WDR41: variants seen among roughly 807,000 people sequenced by gnomAD.
The protein encoded by WDR41 is WD repeat-containing protein 41.
A neutral mutation model predicts 69.3 loss-of-function variants in WDR41; 63 were observed. The ratio of observed to expected loss-of-function variants is 0.91; its 90% CI spans 0.74 to 1.12. The LOEUF is 1.12. WDR41 is among the 50% of genes most tolerant of loss of function. WDR41 has a pLI of 0.00. For synonymous variants in WDR41, 185 were observed against 192.1 expected, an observed-to-expected ratio of 0.96 and a Z score of 0.31; for missense variants, 543 against 534.5, an observed-to-expected ratio of 1.02 and a Z score of -0.16.
chr5:77,483,032 A>G (rs77844161), intron 2 of WDR41, among the ~76,000 whole-genome samples: 5,553 of 152,204 alleles, frequency 0.036, 116 homozygotes, highest in Middle Eastern at 0.1. Context: ...TTTCCATCAT[A>G]TATTTGCCTT....
chr5:77,490,425 CA>C (rs1382554416), intron 1 of WDR41, among the ~76,000 whole-genome samples: 2 of 152,154 alleles, frequency 1.3e-5, no homozygotes, highest in African/African-American at 4.8e-5. Context: ...GGGCAAAAAT[CA>C]CCCCAGTTGA....
intron 1 of WDR41, among the ~76,000 whole-genome samples, chr5:77,618,969 A>G (rs1744728403): frequency 6.6e-6 from 1 of 152,208 alleles, no homozygotes; most frequent in Non-Finnish European, 1.5e-5. Context: ...TGTGTGAAGA[A>G]TTTAACCAGC....
chr5:77,498,722 G>A (rs1356589426), intron 1 of WDR41, among the ~76,000 whole-genome samples: 3 of 151,606 alleles, frequency 2.0e-5, no homozygotes, highest in Non-Finnish European at 4.4e-5. Flanking sequence ...AGGAGGCTGA[G>A]GCAAGAGGAT....
intron 1 of WDR41, among the ~76,000 whole-genome samples, chr5:77,569,006 G>A (rs375576209): frequency 2.0e-5 from 3 of 152,134 alleles, no homozygotes; most frequent in African/African-American, 7.2e-5. Context: ...TCACCCCATC[G>A]CTGTGCCCTG....
At chr5:77,567,256 T>C (rs962750800) in intron 1 of WDR41, among the ~76,000 whole-genome samples, 1 of 152,206 alleles carries the variant, frequency 6.6e-6, no homozygotes, top group Non-Finnish European at 1.5e-5. Flanking sequence ...AAGCCATCTC[T>C]TCCTCAATGG....
At chr5:77,475,936 A>C (rs981691381) in intron 2 of WDR41, among the ~76,000 whole-genome samples, 43 of 152,266 alleles carry the variant, frequency 2.8e-4, no homozygotes, top group Non-Finnish European at 4.9e-4. Flanking sequence ...AAAATTTAGA[A>C]GAATGTATAA....
Position 77,552,878 on chromosome 5 carries a change from A to G in WDR41, c.43-63306T>C, listed in dbSNP as rs150934666. ...CCTAGATCTAAATTTCATGCTTTAT[A>G]TAAAAAATGAGCTTAAATTGGATCA... On this transcript the variant is annotated intron_variant, in intron 1 of 5. Coordinates refer to the WDR41 transcript ENST00000509971. Among the ~76,000 whole-genome samples the G allele has an allele frequency of 7.4e-3, 1,123 of 152,344 alleles. 11 individuals are homozygous for G. Among genetic ancestry groups the G allele is most frequent in the Middle Eastern group, 0.031 (9 of 294 alleles).
At chr5:77,469,654 A>G (rs544491042) in intron 2 of WDR41, among the ~76,000 whole-genome samples, 2 of 152,334 alleles carry the variant, frequency 1.3e-5, no homozygotes, top group Admixed American at 6.5e-5. Flanking sequence ...ACAATAAAAT[A>G]ACATTGAAAA....
At chr5:77,612,765 T>G (rs1350520099) in intron 1 of WDR41, among the ~76,000 whole-genome samples, 1 of 139,174 alleles carries the variant, frequency 7.2e-6, no homozygotes, top group Non-Finnish European at 1.6e-5. Flanking sequence ...ACCACTCCTA[T>G]TCAACATAGT....
chr5:77,562,250 C>T (rs1743541293), intron 1 of WDR41, among the ~76,000 whole-genome samples: 1 of 152,138 alleles, frequency 6.6e-6, no homozygotes, highest in Non-Finnish European at 1.5e-5. Flanking sequence ...CTGTAAATGT[C>T]TATCTCTCAC....
At chr5:77,537,740 G>A (rs1337513239) in intron 1 of WDR41, among the ~76,000 whole-genome samples, 1 of 152,088 alleles carries the variant, frequency 6.6e-6, no homozygotes, top group African/African-American at 2.4e-5. Flanking sequence ...CAGCAGCAAG[G>A]CCTCAGCAAG....
At chr5:77,536,641 C>T (rs189495131) in intron 1 of WDR41, among the ~76,000 whole-genome samples, 24 of 152,158 alleles carry the variant, frequency 1.6e-4, no homozygotes, top group Non-Finnish European at 3.2e-4. Context: ...ATATTTTTAC[C>T]GTACCTTTTC....
intron 1 of WDR41, among the ~76,000 whole-genome samples, chr5:77,544,728 T>C (rs975608566): frequency 4.6e-5 from 7 of 152,062 alleles, no homozygotes; most frequent in Non-Finnish European, 8.8e-5. Context: ...AGTGGGAGAC[T>C]TCAGTACTCC....
chr5:77,473,698 G>T lies in WDR41; in HGVS notation c.168-8889C>A, dbSNP rs374631108. On this transcript the variant is annotated intron_variant, in intron 2 of 12. Coordinates refer to ENST00000296679, the MANE Select transcript of WDR41 (RefSeq NM_018268.4). The stretch of plus-strand genomic sequence containing the variant: ...AGCCAAAAGACACATGAGAAAATGC[G>T]CATCATCACTGGCCATCAGAGAAAT... Among the ~76,000 whole-genome samples, 230 of 152,246 alleles carry T rather than the reference G, an allele frequency of 1.5e-3. 3 individuals are homozygous for T. Among genetic ancestry groups the T allele is most frequent in the African/African-American group, 5.2e-3 (216 of 41,552 alleles).
chr5:77,558,339 G>A (rs1053349484), intron 1 of WDR41, among the ~76,000 whole-genome samples: 10 of 152,060 alleles, frequency 6.6e-5, no homozygotes, highest in Non-Finnish European at 1.5e-4. Context: ...AATAGAAAAG[G>A]AAATTGAAAA....
At chr5:77,438,755 AAAAATGCAAGC>A (rs1325452931) in intron 9 of WDR41, among the ~76,000 whole-genome samples, 1 of 152,176 alleles carries the variant, frequency 6.6e-6, no homozygotes, top group Non-Finnish European at 1.5e-5. Flanking sequence ...CTTCTGCCTG[AAAAATGCAAGC>A]AAAATTACTT....
chr5:77,601,434 A>G (rs1027045072), intron 1 of WDR41, among the ~76,000 whole-genome samples: 36 of 152,312 alleles, frequency 2.4e-4, no homozygotes, highest in African/African-American at 8.2e-4. Flanking sequence ...TCTTCATTAG[A>G]AAGAGTTACA....
At chr5:77,549,879 A>T (rs1743265680) in intron 1 of WDR41, among the ~76,000 whole-genome samples, 1 of 152,210 alleles carries the variant, frequency 6.6e-6, no homozygotes. Context: ...ACAGCATGGT[A>T]CTAGTACAAA....
At chr5:77,605,712 T>G (rs1744403112) in intron 1 of WDR41, among the ~76,000 whole-genome samples, 1 of 152,134 alleles carries the variant, frequency 6.6e-6, no homozygotes, top group East Asian at 1.9e-4. Context: ...CTGCCTAGTC[T>G]CTAGGGCCCT....
Sources: gnomAD v4.1 joint callset for allele counts (sites outside exome capture counted in the v4.1 genomes callset) on GRCh38, gnomAD v4.1.1 for gene constraint, MANE v1.5 for transcripts, NCBI Gene and HGNC (gene_info 2026-07-23, HGNC 2026-07-21) for gene names.